The following ZNF541 variants were observed in gnomAD, a reference collection of about 807,000 sequenced individuals.
ZNF541 encodes zinc finger protein 541.
ZNF541 carries 23 observed loss-of-function variants against 123.5 expected under a neutral mutation model. The ratio of observed to expected loss-of-function variants is 0.19; its 90% confidence interval spans 0.13 to 0.26. The LOEUF is 0.26. Ranked by LOEUF, ZNF541 falls within the 10% of genes least tolerant of loss-of-function variation. The pLI, the probability that ZNF541 is intolerant of heterozygous loss-of-function variation, is 1.00. For synonymous variants in ZNF541, 751 were observed against 754.5 expected, an observed-to-expected ratio of 1.00 and a Z score of 0.08; for missense variants, 1,612 against 1,789.9, an observed-to-expected ratio of 0.90 and a Z score of 1.79.
chr19:47,571,199 G>A (rs976753292), intron 2 of ZNF541, among the ~76,000 whole-genome samples: 2 of 150,802 alleles, frequency 1.3e-5, no homozygotes, highest in African/African-American at 4.9e-5. Context: ...CACAACCTCC[G>A]CCTCCCAGGT....
At position 47,544,314 on chromosome 19, in the gene ZNF541, G is replaced by A. The variant is rs1274817554; in HGVS notation, c.2215C>T (p.Arg739Trp). Reference sequence around the variant, plus strand: ...CCCAAGAGCCGGTAGCCTCCACCCCGGGAGCAGGCTGGGCCCTTTTCACCT... The same window carrying A: ...CCCAAGAGCCGGTAGCCTCCACCCCAGGAGCAGGCTGGGCCCTTTTCACCT... ...TKGEKGPACS[R>W]GGGYRLLGNP... The change falls in exon 5 of 17, where the codon CGG becomes TGG. Residue 739 changes from arginine to tryptophan, a missense_variant. Physicochemically the swap from Arg to Trp is moderately radical, Grantham distance 101. Transcript: ENST00000391901. The A allele has an allele frequency of 3.2e-6, 5 of 1,551,614 alleles. No homozygotes were observed. The highest frequency in any genetic ancestry group is 1.2e-5 in the South Asian group (1 of 84,064).
At chr19:47,528,808 T>C in intron 14 of ZNF541, 142 bp downstream of exon 14, 1 of 636,928 alleles carries the variant, frequency 1.6e-6, no homozygotes, top group East Asian at 2.8e-5. Flanking sequence ...GATAGCTTTT[T>C]GACATTGTAA....
In ZNF541 at chr19:47,545,753, G is replaced by C. The variant is rs1212697523; in HGVS notation, c.776C>G (p.Pro259Arg). 6 of 1,543,254 alleles carry C rather than the reference G, an allele frequency of 3.9e-6. No homozygotes were observed. Among genetic ancestry groups the C allele is most frequent in the Non-Finnish European group, 3.5e-6 (4 of 1,145,740 alleles). The stretch of plus-strand genomic sequence containing the variant: ...GGAGCCGGGGGACCTGGCCTCTGGG[G>C]GCACCAGGGACCGCAGGCTGCTGGG... ...PPPSSLRSLVPPEARSPGSLL... is the reference protein window; with the variant it reads ...PPPSSLRSLVRPEARSPGSLL... The change falls in exon 5 of 17, where the codon CCC becomes CGC. Residue 259 changes from proline (P) to arginine (R), a missense_variant. Physicochemically the swap from Pro to Arg is moderately radical, Grantham distance 103. Around this residue, in one of 5 missense-constraint regions of ZNF541, gnomAD observed 1,080 missense variants for 1,013.8 expected, o/e 1.07. Transcript: ENST00000391901. This position sits in a 1 kb window ranked among gnomAD's most constrained non-coding sequence, Gnocchi z 7.5.
At chr19:47,533,531 G>A (rs1452082186) in intron 9 of ZNF541, among the ~76,000 whole-genome samples, 1 of 151,836 alleles carries the variant, frequency 6.6e-6, no homozygotes, top group Non-Finnish European at 1.5e-5. Context: ...TTCAGCACTT[G>A]GAGAAATATT....
At chr19:47,556,323 A>G (rs1031319471) in intron 2 of ZNF541, among the ~76,000 whole-genome samples, 4 of 152,188 alleles carry the variant, frequency 2.6e-5, no homozygotes, top group South Asian at 2.1e-4. Flanking sequence ...AGAAAACTCA[A>G]TGCTGGAGGT....
Position 47,545,150 on chromosome 19 carries a change from G to T in ZNF541, c.1379C>A (p.Ser460Tyr). 1 of 1,489,854 alleles carries T rather than the reference G, an allele frequency of 6.7e-7. No homozygotes were observed. The highest frequency in any genetic ancestry group is 1.9e-4 in the Middle Eastern group (1 of 5,212). 92.3% of individuals were successfully genotyped at this position (1,489,854 alleles called of 1,614,324 possible). A position where few individuals can be genotyped will look rare whatever the true frequency, so the allele number is the denominator to read the frequency against. The change falls in exon 5 of 17, where the codon TCC becomes TAC. Residue 460 changes from serine to tyrosine, a missense_variant. By Grantham distance (144) the Ser-to-Tyr change is moderately radical (BLOSUM62 -2). Around this residue, in one of 5 missense-constraint regions of ZNF541, gnomAD observed 1,080 missense variants for 1,013.8 expected, o/e 1.07. Coordinates refer to ENST00000391901, the MANE Select transcript of ZNF541 (RefSeq NM_001277075.3). The surrounding 1 kb of genome is among the most constrained non-coding windows in gnomAD (Gnocchi z 7.5). ...CAGGCCACCGCCGGGGCCGGGCGGG[G>T]ACTCCTCCGAGGGGCTTCCGCTGCT... is the stretch of plus-strand genomic sequence containing the variant. Reference protein sequence around the residue: ...GPSSGSPSEESPPGPGGGLED... With the variant: ...GPSSGSPSEEYPPGPGGGLED...
rs1302154230 is a variant in ZNF541, at chr19:47,521,257, C to A, written c.4008G>T (p.Glu1336Asp). The part of the protein sequence containing the change: ...PVKPFQLKEE[E>D]LGADIGPLQW ...GCAGGGGGCCGATGTCAGCTCCCAG[C>A]TCCTCTTCCTTTAGCTGGAAGGGCT... Residue 1336 changes from glutamate to aspartate, a missense_variant, in exon 17 of 17, where the codon GAG (glutamate) becomes GAT (aspartate). Physicochemically the swap from Glu to Asp is conservative, Grantham distance 45. Coordinates refer to ENST00000391901, the MANE Select transcript of ZNF541 (RefSeq NM_001277075.3). This position sits in a 1 kb window ranked among gnomAD's most constrained non-coding sequence, Gnocchi z 4.2. 1 of 1,551,762 alleles carries A rather than the reference C, an allele frequency of 6.4e-7. No individual in the cohort carries two copies. Among genetic ancestry groups the A allele is most frequent in the East Asian group, 2.4e-5 (1 of 40,930 alleles).
intron 1 of ZNF541, among the ~76,000 whole-genome samples, chr19:47,572,460 G>A (rs543350324): frequency 6.6e-6 from 1 of 152,228 alleles, no homozygotes; most frequent in African/African-American, 2.4e-5. Flanking sequence ...TTGCTGGAAA[G>A]TGATCCTGAA....
At chr19:47,547,466 C>A (rs1970403649) in intron 4 of ZNF541, among the ~76,000 whole-genome samples, 1 of 152,168 alleles carries the variant, frequency 6.6e-6, no homozygotes, top group African/African-American at 2.4e-5. Flanking sequence ...TCTGGACAGT[C>A]CTAGTCGATG....
intron 3 of ZNF541, among the ~76,000 whole-genome samples, chr19:47,555,216 A>C (rs1970766467): frequency 6.8e-6 from 1 of 147,610 alleles, no homozygotes; most frequent in Non-Finnish European, 1.5e-5. Context: ...AAAAATACAA[A>C]AAAATTAGCC....
chr19:47,527,515 C>A (rs1450600915), intron 14 of ZNF541, among the ~76,000 whole-genome samples: 1 of 151,948 alleles, frequency 6.6e-6, no homozygotes, highest in African/African-American at 2.4e-5. Flanking sequence ...CCCACCTCAG[C>A]CTCCCGAGTA....
intron 11 of ZNF541, 56 bp from the exon 12 acceptor site, chr19:47,531,801 G>A (rs1356913333): frequency 2.1e-6 from 3 of 1,438,196 alleles, no homozygotes; most frequent in Non-Finnish European, 2.8e-6. Context: ...TCAGGTGCTA[G>A]GGAGGAACCT....
chr19:47,561,557 A>C (rs1007214560), intron 2 of ZNF541, among the ~76,000 whole-genome samples: 1 of 152,190 alleles, frequency 6.6e-6, no homozygotes, highest in Non-Finnish European at 1.5e-5. Flanking sequence ...ATGTTTGGAA[A>C]GGACCAGAGA....
chr19:47,521,862 C>T lies in ZNF541; in HGVS notation c.3703G>A (p.Glu1235Lys). ...KREPEEVERT[E>K]EKVPCSPRER... The stretch of plus-strand genomic sequence containing the variant: ...AGCCCTGGTTCCTCTACCTTTTCCT[C>T]TGTCCTTTCCACTTCCTCCGGCTCT... The change falls in exon 15 of 17, where the codon GAG becomes AAG. Residue 1235 changes from glutamate to lysine, a missense_variant. This residue lies in a region of ZNF541 where 285 missense variants were observed against 407.3 expected (regional missense o/e 0.70). Transcript: ENST00000391901. This position sits in a 1 kb window ranked among gnomAD's most constrained non-coding sequence, Gnocchi z 4.2. 6.4e-7 allele frequency: 1 copy of T among 1,551,750 alleles called. No homozygotes were observed. The highest frequency in any genetic ancestry group is 8.7e-7 in the Non-Finnish European group (1 of 1,147,000).
At position 47,538,418 on chromosome 19, in the gene ZNF541, C is replaced by T. The variant is rs147189897; in HGVS notation, c.2818G>A (p.Glu940Lys). The stretch of plus-strand genomic sequence containing the variant: ...TGGCTGCTCTCCTTGCTGTCTCGCT[C>T]CTCCCCGTCTTTCTCTTGTCCCTGA... Reference protein sequence around the residue: ...MAMGQEKDGEERDSKESSQQR... With the variant: ...MAMGQEKDGEKRDSKESSQQR... The change falls in exon 9 of 17, where the codon GAG (glutamate) becomes AAG (lysine). Residue 940 changes from glutamate to lysine, a missense_variant. Transcript: ENST00000391901. 1.6e-5 allele frequency: 25 copies of T among 1,528,778 alleles called. No homozygotes were observed. The highest frequency in any genetic ancestry group is 1.4e-4 in the South Asian group (11 of 80,196). The allele number at this position is 1,528,778 out of a possible 1,614,324, so 94.7% of individuals were successfully genotyped here. A position where few individuals can be genotyped will look rare whatever the true frequency, so the allele number is the denominator to read the frequency against.
chr19:47,544,348 C>T lies in ZNF541; in HGVS notation c.2181G>A (p.Arg727=). 1 of 1,551,640 alleles carries T rather than the reference C, an allele frequency of 6.4e-7. No individual in the cohort carries two copies. The highest frequency in any genetic ancestry group is 8.7e-7 in the Non-Finnish European group (1 of 1,147,008). Residue 727 remains arginine (R), a synonymous_variant, in exon 5 of 17, where the codon AGG becomes AGA. Coordinates refer to ENST00000391901, the MANE Select transcript of ZNF541 (RefSeq NM_001277075.3). ...QAPAENGAAS[R]ITKGEKGPAC... ...CTGGGCCCTTTTCACCTTTTGTGAT[C>T]CTTGAAGCCGCGCCATTCTCGGCTG...
chr19:47,565,716 C>T (rs1216915778), intron 2 of ZNF541, among the ~76,000 whole-genome samples: 1 of 152,058 alleles, frequency 6.6e-6, no homozygotes, highest in African/African-American at 2.4e-5. Flanking sequence ...GGTTTGGTTG[C>T]TTTGTTTATA....
chr19:47,572,841 G>A (rs1312885490), intron 1 of ZNF541, among the ~76,000 whole-genome samples: 1 of 152,000 alleles, frequency 6.6e-6, no homozygotes, highest in Non-Finnish European at 1.5e-5. Flanking sequence ...AAGGGGGAAG[G>A]GCCTGTGGGG....
intron 2 of ZNF541, among the ~76,000 whole-genome samples, chr19:47,568,968 C>A (rs1264514540): frequency 6.6e-6 from 1 of 152,180 alleles, no homozygotes; most frequent in Non-Finnish European, 1.5e-5. Flanking sequence ...CTGTGCCCAG[C>A]CTCCACTCCA....
Sources: allele counts gnomAD v4.1 joint callset (sites outside exome capture counted in the v4.1 genomes callset), GRCh38; gene constraint gnomAD v4.1.1; regional missense constraint gnomAD v4.1.1; non-coding constraint Gnocchi (gnomAD v3.1); transcripts MANE v1.5; gene names NCBI Gene and HGNC (gene_info 2026-07-23, HGNC 2026-07-21).